Variants in MAP2K4 observed in about 807,000 individuals in gnomAD.
MAP2K4 encodes the protein mitogen-activated protein kinase kinase 4.
MAP2K4 carries 4 observed loss-of-function variants against 48.5 expected under a neutral mutation model. The ratio of observed to expected loss-of-function variants is 0.08; its 90% CI spans 0.04 to 0.19. MAP2K4 has a LOEUF of 0.19. Ranked by LOEUF, MAP2K4 falls within the 10% of genes least tolerant of loss-of-function variation. The pLI, the probability that MAP2K4 is intolerant of heterozygous loss-of-function variation, is 1.00. For synonymous variants in MAP2K4, 166 were observed against 173.1 expected (o/e 0.96, Z 0.32); for missense variants, 258 against 493.3 (o/e 0.52, Z 4.52).
At chr17:12,024,023 C>T (rs1272798885) in intron 1 of MAP2K4, among the ~76,000 whole-genome samples, 1 of 152,128 alleles carries the variant, frequency 6.6e-6, no homozygotes, top group Non-Finnish European at 1.5e-5. Flanking sequence ...TCATTATTTA[C>T]CACACAATTT....
chr17:12,138,088 T>C (rs1016328551), intron 9 of MAP2K4, among the ~76,000 whole-genome samples: 11 of 152,130 alleles, frequency 7.2e-5, no homozygotes, highest in Non-Finnish European at 1.3e-4. Context: ...ACCAGAGTGC[T>C]GAGGGAAAAT....
intron 2 of MAP2K4, among the ~76,000 whole-genome samples, chr17:12,074,644 G>A (rs1970935992): frequency 6.6e-6 from 1 of 152,096 alleles, no homozygotes; most frequent in African/African-American, 2.4e-5. Flanking sequence ...CGCTGATCAA[G>A]GAGGGCCCTC....
intron 1 of MAP2K4, among the ~76,000 whole-genome samples, chr17:12,045,420 G>C (rs1211901981): frequency 6.6e-6 from 1 of 152,182 alleles, no homozygotes; most frequent in Non-Finnish European, 1.5e-5. Flanking sequence ...GTTCTTCAGA[G>C]AGTATCTGAT....
chr17:12,105,208 G>A (rs1972068651), intron 4 of MAP2K4, among the ~76,000 whole-genome samples: 1 of 152,072 alleles, frequency 6.6e-6, no homozygotes, highest in African/African-American at 2.4e-5. Context: ...TCAGGTCCTT[G>A]AAAATTTTGA....
intron 1 of MAP2K4, among the ~76,000 whole-genome samples, chr17:12,038,296 C>T (rs908849284): frequency 6.6e-5 from 10 of 151,816 alleles, no homozygotes; most frequent in Admixed American, 2.0e-4. Context: ...TTATGAGATC[C>T]GAATCTAGGC....
At chr17:12,110,279 C>A in intron 5 of MAP2K4, 96 bp from the exon 6 acceptor site, 1 of 791,276 alleles carries the variant, frequency 1.3e-6, no homozygotes, top group Non-Finnish European at 2.2e-6. Context: ...AAAATGTATG[C>A]AGAGGACTAC....
At chr17:12,039,999 A>G (rs1969726308) in intron 1 of MAP2K4, among the ~76,000 whole-genome samples, 1 of 152,194 alleles carries the variant, frequency 6.6e-6, no homozygotes, top group Non-Finnish European at 1.5e-5. Context: ...CACTTACTTC[A>G]TAGACGGTGT....
intron 3 of MAP2K4, among the ~76,000 whole-genome samples, chr17:12,092,762 C>G (rs1368828661): frequency 6.6e-6 from 1 of 152,208 alleles, no homozygotes; most frequent in South Asian, 2.1e-4. Flanking sequence ...CACAGTGGCT[C>G]ACGCCTGTAA....
At chr17:12,125,495 G>C (rs1972826208) in intron 8 of MAP2K4, 124 bp downstream of exon 8, 1 of 716,262 alleles carries the variant, frequency 1.4e-6, no homozygotes. Context: ...ATGGTTTTAA[G>C]TTGCTGAAAA....
At chr17:12,059,512 A>G (rs1417607328) in intron 2 of MAP2K4, among the ~76,000 whole-genome samples, 2 of 152,256 alleles carry the variant, frequency 1.3e-5, no homozygotes, top group African/African-American at 2.4e-5. Context: ...TCTTCATAAC[A>G]TATCACAATT....
chr17:12,139,187 A>G (rs891774337), intron 9 of MAP2K4, among the ~76,000 whole-genome samples: 1 of 152,208 alleles, frequency 6.6e-6, no homozygotes, highest in African/African-American at 2.4e-5. Flanking sequence ...ATGGGCCAAG[A>G]TAGATGAGGT....
intron 2 of MAP2K4, among the ~76,000 whole-genome samples, chr17:12,062,036 T>A (rs942135427): frequency 2.0e-5 from 3 of 151,930 alleles, no homozygotes; most frequent in African/African-American, 7.3e-5. Flanking sequence ...AATACATCAG[T>A]TGGTCACTCA....
At chr17:12,120,758 A>C (rs1381915623) in intron 7 of MAP2K4, among the ~76,000 whole-genome samples, 1 of 152,164 alleles carries the variant, frequency 6.6e-6, no homozygotes, top group Non-Finnish European at 1.5e-5. Flanking sequence ...TAGAGGACCC[A>C]CTTCTGGCCC....
intron 1 of MAP2K4, among the ~76,000 whole-genome samples, chr17:12,033,033 A>G (rs1266064226): frequency 6.6e-6 from 1 of 152,058 alleles, no homozygotes; most frequent in South Asian, 2.1e-4. Context: ...ACAGGGTCTC[A>G]CTTTGTTGCC....
chr17:12,032,268 T>C, intron 1 of MAP2K4: 1 of 1,422,874 alleles, frequency 7.0e-7, no homozygotes, highest in Non-Finnish European at 9.3e-7. Context: ...TACTTTAGGC[T>C]TTCAGATAAA....
At chr17:12,109,016 T>G (rs1972220131) in intron 5 of MAP2K4, among the ~76,000 whole-genome samples, 1 of 152,098 alleles carries the variant, frequency 6.6e-6, no homozygotes, top group Non-Finnish European at 1.5e-5. Flanking sequence ...TAGCTAATGG[T>G]TATTAAATGC....
chr17:12,023,783 AT>A (rs1337670793), intron 1 of MAP2K4, among the ~76,000 whole-genome samples: 1 of 152,120 alleles, frequency 6.6e-6, no homozygotes, highest in Non-Finnish European at 1.5e-5. Context: ...GGATTCAGAT[AT>A]GCGTTTTGTG....
At chr17:12,069,732 T>C in intron 2 of MAP2K4, 1 of 1,094,064 alleles carries the variant, frequency 9.1e-7, no homozygotes, top group Admixed American at 4.0e-5. Flanking sequence ...ACAGACCGAG[T>C]TTACTGTGGA....
At chr17:12,114,870 A>G (rs1972435873) in intron 7 of MAP2K4, among the ~76,000 whole-genome samples, 1 of 152,158 alleles carries the variant, frequency 6.6e-6, no homozygotes, top group Non-Finnish European at 1.5e-5. Context: ...GGCCCAGGAG[A>G]TGTAAGACTT....
Sources: gnomAD v4.1 joint callset for allele counts (sites outside exome capture counted in the v4.1 genomes callset) on GRCh38, gnomAD v4.1.1 for gene constraint, MANE v1.5 for transcripts, NCBI Gene and HGNC (gene_info 2026-07-23, HGNC 2026-07-21) for gene names.